The following ST6GALNAC5 variants were observed in gnomAD, a reference collection of about 807,000 sequenced individuals.
The protein encoded by ST6GALNAC5 is alpha-N-acetylgalactosaminide alpha-2,6-sialyltransferase 5.
ST6GALNAC5 carries 27 observed loss-of-function variants against 33.6 expected under a neutral mutation model. The observed-to-expected ratio is 0.80, with a 90% CI of 0.59 to 1.11. The LOEUF is 1.11. ST6GALNAC5 is among the 50% of genes least tolerant of loss of function. The pLI, the probability that ST6GALNAC5 is intolerant of heterozygous loss-of-function variation, is 0.00. For missense variants in ST6GALNAC5, 428 were observed against 454.0 expected (o/e 0.94, Z 0.52); for synonymous variants, 194 against 171.2 (o/e 1.13, Z -1.04).
chr1:76,988,818 C>T (rs932288591), intron 2 of ST6GALNAC5, among the ~76,000 whole-genome samples: 2 of 152,084 alleles, frequency 1.3e-5, no homozygotes, highest in African/African-American at 4.8e-5. Context: ...ATCTTTTCCC[C>T]AAACTTATTG....
chr1:76,997,080 G>A (rs1035559475), intron 2 of ST6GALNAC5, among the ~76,000 whole-genome samples: 2 of 152,184 alleles, frequency 1.3e-5, no homozygotes, highest in African/African-American at 2.4e-5. Context: ...AAAGCAAAGC[G>A]AGGAAAGGTG....
At chr1:76,908,997 G>C (rs1033708041) in intron 2 of ST6GALNAC5, among the ~76,000 whole-genome samples, 1 of 152,094 alleles carries the variant, frequency 6.6e-6, no homozygotes, top group African/African-American at 2.4e-5. Context: ...TAACTACCCA[G>C]TGGTTATTAT....
chr1:77,053,591 A>T (rs1652298778), intron 4 of ST6GALNAC5, among the ~76,000 whole-genome samples: 1 of 152,164 alleles, frequency 6.6e-6, no homozygotes, highest in Non-Finnish European at 1.5e-5. Flanking sequence ...AGCCTTAGTG[A>T]CTGATATTGG....
intron 2 of ST6GALNAC5, among the ~76,000 whole-genome samples, chr1:76,878,901 G>T (rs1003137390): frequency 6.6e-6 from 1 of 152,136 alleles, no homozygotes; most frequent in Non-Finnish European, 1.5e-5. Context: ...CTTTGCCTCT[G>T]CTGTCCATTA....
At chr1:77,009,763 G>C (rs1650563071) in intron 2 of ST6GALNAC5, among the ~76,000 whole-genome samples, 1 of 152,036 alleles carries the variant, frequency 6.6e-6, no homozygotes, top group African/African-American at 2.4e-5. Context: ...CTATCACTGT[G>C]GAAATTGAAG....
chr1:76,987,109 T>C (rs1649536753), intron 2 of ST6GALNAC5, among the ~76,000 whole-genome samples: 1 of 152,194 alleles, frequency 6.6e-6, no homozygotes, highest in Non-Finnish European at 1.5e-5. Flanking sequence ...ATGGCATGTG[T>C]ATACCTATGT....
At chr1:76,930,376 T>C (rs1264136818) in intron 2 of ST6GALNAC5, among the ~76,000 whole-genome samples, 1 of 152,024 alleles carries the variant, frequency 6.6e-6, no homozygotes. Flanking sequence ...GTAGGTAGAA[T>C]TATCAAAGAA....
At chr1:76,978,862 A>G (rs939855773) in intron 2 of ST6GALNAC5, among the ~76,000 whole-genome samples, 2 of 152,198 alleles carry the variant, frequency 1.3e-5, no homozygotes, top group African/African-American at 2.4e-5. Flanking sequence ...TGACATGGTC[A>G]TATTTATAGA....
intron 2 of ST6GALNAC5, among the ~76,000 whole-genome samples, chr1:76,894,964 A>T (rs1654094243): frequency 1.3e-5 from 2 of 152,102 alleles, no homozygotes; most frequent in South Asian, 4.1e-4. Flanking sequence ...TAGATAAAGG[A>T]AAATTATAGT....
intron 2 of ST6GALNAC5, among the ~76,000 whole-genome samples, chr1:76,944,990 T>C (rs1464369741): frequency 6.6e-6 from 1 of 152,162 alleles, no homozygotes; most frequent in South Asian, 2.1e-4. Flanking sequence ...CTTAGGGACA[T>C]TGGGCTGCTG....
chr1:76,952,213 T>A (rs567001483), intron 2 of ST6GALNAC5, among the ~76,000 whole-genome samples: 15 of 152,192 alleles, frequency 9.9e-5, no homozygotes, highest in African/African-American at 2.9e-4. Flanking sequence ...GGTTTCCAGC[T>A]CCCAATGAGA....
rs532881650 is a variant in ST6GALNAC5 at position 76,915,928 on chromosome 1, T to G, written c.261+47186T>G. On this transcript the variant is annotated intron_variant, in intron 2 of 4. Transcript: ENST00000477717. The stretch of plus-strand genomic sequence containing the variant: ...TCCTTGGATAATAATAATAATAATT[T>G]TTTTCTATTTGAGAATTTGGAATGT... Among the ~76,000 whole-genome samples the G allele has an allele frequency of 3.3e-5, 5 of 151,772 alleles. No individual in the cohort carries two copies. The South Asian group carries it at 1.0e-3, about 32-fold the overall frequency.
intron 2 of ST6GALNAC5, among the ~76,000 whole-genome samples, chr1:76,903,984 A>AT (rs1161804394): frequency 6.6e-6 from 1 of 152,170 alleles, no homozygotes; most frequent in African/African-American, 2.4e-5. Flanking sequence ...GTGGTTTCAC[A>AT]TATCTCTGAG....
At chr1:76,893,421 T>A (rs1453223076) in intron 2 of ST6GALNAC5, among the ~76,000 whole-genome samples, 4 of 152,178 alleles carry the variant, frequency 2.6e-5, no homozygotes, top group Non-Finnish European at 5.9e-5. Context: ...CAAACTGGAT[T>A]TGAATCTTAG....
chr1:77,019,329 G>A (rs1242336644), intron 2 of ST6GALNAC5, among the ~76,000 whole-genome samples: 1 of 152,218 alleles, frequency 6.6e-6, no homozygotes, highest in Non-Finnish European at 1.5e-5. Context: ...CACTGTGGAA[G>A]TGCCTGGTAG....
chr1:76,958,330 A>G (rs1648088022), intron 2 of ST6GALNAC5, among the ~76,000 whole-genome samples: 1 of 152,168 alleles, frequency 6.6e-6, no homozygotes, highest in Non-Finnish European at 1.5e-5. Context: ...TTTTGTACAC[A>G]TTTAACTCAG....
chr1:76,971,505 T>C (rs899960109), intron 2 of ST6GALNAC5, among the ~76,000 whole-genome samples: 2 of 152,212 alleles, frequency 1.3e-5, no homozygotes, highest in Admixed American at 6.5e-5. Flanking sequence ...ATTAAGATGA[T>C]TATATCACAT....
chr1:77,042,967 A>C (rs187956), intron 2 of ST6GALNAC5, among the ~76,000 whole-genome samples: 2 of 151,898 alleles, frequency 1.3e-5, no homozygotes, highest in African/African-American at 4.8e-5. Context: ...ACCACAAGGC[A>C]AGGGAAGTTG....
intron 2 of ST6GALNAC5, among the ~76,000 whole-genome samples, chr1:77,021,607 A>ACAGCT (rs1185718465): frequency 2.0e-5 from 3 of 152,162 alleles, no homozygotes; most frequent in Non-Finnish European, 4.4e-5. Flanking sequence ...GTCCTGGATA[A>ACAGCT]CAGCTCCTGT....
Sources: allele counts gnomAD v4.1 joint callset (sites outside exome capture counted in the v4.1 genomes callset), GRCh38; gene constraint gnomAD v4.1.1; transcripts MANE v1.5; gene names NCBI Gene and HGNC (gene_info 2026-07-23, HGNC 2026-07-21).